Variants in NCALD observed in about 807,000 individuals in gnomAD.
NCALD encodes the protein neurocalcin delta.
NCALD carries 10 observed loss-of-function variants against 18.6 expected under a neutral mutation model. The observed-to-expected ratio is 0.54, with a 90% confidence interval of 0.33 to 0.91. The LOEUF (loss-of-function observed/expected upper bound fraction) is 0.91, where lower values mean the gene tolerates loss of function less well. Among genes scored for constraint, NCALD ranks in the 40% least tolerant of loss-of-function variants. The probability of loss-of-function intolerance (pLI) is 0.03; values close to 1 mark genes in which losing one functional copy is unlikely to be tolerated. For synonymous variants in NCALD, 88 were observed against 87.4 expected, an observed-to-expected ratio of 1.01 and a Z score of -0.04; for missense variants, 184 against 247.6, an observed-to-expected ratio of 0.74 and a Z score of 1.72.
At chr8:102,030,045 T>C (rs1225591575) in intron 1 of NCALD, among the ~76,000 whole-genome samples, 2 of 152,204 alleles carry the variant, frequency 1.3e-5, no homozygotes, top group Non-Finnish European at 1.5e-5. Flanking sequence ...AAACTATTAA[T>C]ATCAGATCTT....
Position 101,847,400 on chromosome 8 carries a change from C to A in NCALD, c.-20+39741G>T, listed in dbSNP as rs111844314. 9.1e-3 allele frequency: 1,823 copies of A among 199,888 alleles called. 45 individuals are homozygous for A. Among genetic ancestry groups the A allele is most frequent in the African/African-American group, 0.04 (1,721 of 43,118 alleles). 12.4% of individuals were successfully genotyped at this position (199,888 alleles called of 1,614,324 possible). Reference sequence around the variant, plus strand: ...TCTTTAGTGGGATATGGACATGATGCCTTCTAGAAGGGGTTCTTCCATCTT... The same window carrying A: ...TCTTTAGTGGGATATGGACATGATGACTTCTAGAAGGGGTTCTTCCATCTT... On this transcript the variant is annotated intron_variant, in intron 4 of 6. Transcript: ENST00000311028.
intron 2 of NCALD, among the ~76,000 whole-genome samples, chr8:101,962,573 A>G (rs995688175): frequency 7.9e-5 from 12 of 152,158 alleles, no homozygotes; most frequent in African/African-American, 2.7e-4. Context: ...AAGTCCCTAG[A>G]CCAGTAGCAA....
chr8:101,745,075 C>T (rs1286911962), intron 1 of NCALD, among the ~76,000 whole-genome samples: 13 of 151,802 alleles, frequency 8.6e-5, no homozygotes, highest in African/African-American at 7.3e-5. Flanking sequence ...TCACCGAGAA[C>T]GTCCTTGATA....
At chr8:101,924,704 A>G (rs1485178867) in intron 2 of NCALD, among the ~76,000 whole-genome samples, 2 of 152,244 alleles carry the variant, frequency 1.3e-5, no homozygotes, top group Admixed American at 6.5e-5. Flanking sequence ...GAAAAACCAG[A>G]GATCTTGCTA....
intron 4 of NCALD, among the ~76,000 whole-genome samples, chr8:101,848,338 A>G (rs892604844): frequency 5.9e-5 from 9 of 152,116 alleles, no homozygotes; most frequent in Non-Finnish European, 1.5e-5. Context: ...CTTGGATACT[A>G]TAAAATAATT....
At chr8:101,819,235 A>G (rs1233664755) in intron 4 of NCALD, among the ~76,000 whole-genome samples, 4 of 151,180 alleles carry the variant, frequency 2.6e-5, no homozygotes, top group Non-Finnish European at 5.9e-5. Context: ...ACTACATCAC[A>G]TATATTTGTT....
chr8:101,897,660 A>G (rs1422238818), intron 3 of NCALD, among the ~76,000 whole-genome samples: 1 of 151,822 alleles, frequency 6.6e-6, no homozygotes, highest in Non-Finnish European at 1.5e-5. Context: ...TTCACATTCC[A>G]AAGTTTATCT....
chr8:101,853,543 C>T (rs899563099), intron 4 of NCALD, among the ~76,000 whole-genome samples: 3 of 152,122 alleles, frequency 2.0e-5, no homozygotes, highest in African/African-American at 7.2e-5. Context: ...GTGTTAATAA[C>T]CCTTCACAAG....
intron 2 of NCALD, among the ~76,000 whole-genome samples, chr8:101,958,586 G>A (rs1289170970): frequency 1.3e-5 from 2 of 152,114 alleles, no homozygotes; most frequent in African/African-American, 4.8e-5. Flanking sequence ...GCCAGAACCT[G>A]TTCTAGGGTC....
chr8:101,896,478 C>T (rs1264972), intron 3 of NCALD, among the ~76,000 whole-genome samples: 40,065 of 150,916 alleles, frequency 0.27, 5,578 homozygotes, highest in East Asian at 0.36. Flanking sequence ...GTCTAAAACA[C>T]CAAAAGCAAT....
At chr8:101,738,437 G>A (rs777122690) in intron 1 of NCALD, among the ~76,000 whole-genome samples, 9 of 151,878 alleles carry the variant, frequency 5.9e-5, no homozygotes, top group African/African-American at 1.4e-4. Flanking sequence ...CCAGTTACTC[G>A]GGAAGGTGAG....
At chr8:101,946,623 G>C (rs549632801) in intron 2 of NCALD, among the ~76,000 whole-genome samples, 16 of 151,948 alleles carry the variant, frequency 1.1e-4, no homozygotes, top group Admixed American at 3.3e-4. Flanking sequence ...ATTGCAGCAA[G>C]AACAAACATC....
In NCALD at chr8:102,047,895, TG is replaced by T. The variant is rs573122573; in HGVS notation, c.-209-27607del. 2.2e-3 allele frequency among the ~76,000 whole-genome samples: 334 copies of T among 152,306 alleles called. 3 individuals carry two copies. The highest frequency in any genetic ancestry group is 7.4e-3 in the African/African-American group (306 of 41,556). On this transcript the variant is annotated intron_variant, in intron 1 of 6. Transcript: ENST00000311028. Reference sequence around the variant, plus strand: ...GAGAATCTCTGTCCACTTGAGGATATGATGCTATTTTTACATTTACTTAAGA... The same window carrying T: ...GAGAATCTCTGTCCACTTGAGGATATATGCTATTTTTACATTTACTTAAGA...
At chr8:101,740,162 G>A (rs985360798) in intron 1 of NCALD, among the ~76,000 whole-genome samples, 1 of 152,218 alleles carries the variant, frequency 6.6e-6, no homozygotes, top group Non-Finnish European at 1.5e-5. Context: ...AATTAGCAGA[G>A]GACACTGCTT....
rs201918043 is a variant in NCALD, at chr8:101,936,699, CTTGT to C, written c.-156-20845_-156-20842del. On this transcript the variant is annotated intron_variant, in intron 2 of 6. Coordinates refer to the NCALD transcript ENST00000311028. ...CTGGACATTAGTATGTTTTTATTTG[CTTGT>C]TTGTTTGTTTACCAGTGCTCTGGGA... 4.3e-3 allele frequency among the ~76,000 whole-genome samples: 656 copies of C among 152,150 alleles called. 5 individuals carry two copies. The highest frequency in any genetic ancestry group is 0.014 in the African/African-American group (581 of 41,516).
At chr8:102,038,453 G>C (rs943563386) in intron 1 of NCALD, among the ~76,000 whole-genome samples, 9 of 152,184 alleles carry the variant, frequency 5.9e-5, no homozygotes, top group Non-Finnish European at 1.2e-4. Context: ...AGCCAGCAAG[G>C]ATGCTGCATC....
intron 1 of NCALD, among the ~76,000 whole-genome samples, chr8:102,022,935 C>T (rs1259056658): frequency 6.6e-6 from 1 of 152,116 alleles, no homozygotes. Context: ...AACTCTCATT[C>T]TTTCCCTTGA....
At chr8:101,966,100 A>AT (rs1036436355) in intron 2 of NCALD, among the ~76,000 whole-genome samples, 5 of 151,278 alleles carry the variant, frequency 3.3e-5, no homozygotes, top group Admixed American at 6.6e-5. Context: ...AAATACTCTG[A>AT]TAAAAAAAAG....
chr8:101,946,580 G>A (rs564071898), intron 2 of NCALD, among the ~76,000 whole-genome samples: 77 of 151,912 alleles, frequency 5.1e-4, no homozygotes, highest in African/African-American at 1.8e-3. Flanking sequence ...ATTTTCAATT[G>A]AGCCCTATCA....
Sources: gnomAD v4.1 joint callset for allele counts (sites outside exome capture counted in the v4.1 genomes callset) on GRCh38, gnomAD v4.1.1 for gene constraint, MANE v1.5 for transcripts, NCBI Gene and HGNC (gene_info 2026-07-23, HGNC 2026-07-21) for gene names.